PPP2R2B: variants seen among roughly 807,000 people sequenced by gnomAD.
PPP2R2B encodes the protein protein phosphatase 2 regulatory subunit Bbeta.
Under a neutral mutation model 46.0 loss-of-function variants are expected in PPP2R2B, and 5 were observed. The ratio of observed to expected loss-of-function variants is 0.11; its 90% confidence interval spans 0.06 to 0.23. The LOEUF (loss-of-function observed/expected upper bound fraction) is 0.23. Among genes scored for constraint, PPP2R2B ranks in the 10% least tolerant of loss-of-function variants. The pLI, the probability that PPP2R2B is intolerant of heterozygous loss-of-function variation, is 1.00. For missense variants in PPP2R2B, 367 were observed against 575.0 expected, an observed-to-expected ratio of 0.64 and a Z score of 3.70; for synonymous variants, 215 against 206.7, an observed-to-expected ratio of 1.04 and a Z score of -0.34.
In PPP2R2B at chr5:146,803,275, C is replaced by A. The variant is rs368304793; in HGVS notation, c.70+74727G>T. 8.5e-5 allele frequency among the ~76,000 whole-genome samples: 13 copies of A among 152,232 alleles called. No homozygotes were observed. The East Asian group carries it at 1.9e-3, about 23-fold the overall frequency. On this transcript the variant is annotated intron_variant, in intron 2 of 9. Transcript: ENST00000394411. The stretch of plus-strand genomic sequence containing the variant: ...TTGTATTTCTCAGTGCTGCCTGAAA[C>A]CCGACATTAGAACTATGTAAGCCCC...
intron 7 of PPP2R2B, among the ~76,000 whole-genome samples, chr5:146,619,930 A>G (rs865804799): frequency 6.6e-6 from 1 of 152,198 alleles, no homozygotes; most frequent in Non-Finnish European, 1.5e-5. Flanking sequence ...TTTAAATATT[A>G]TCTGTTCAGG....
intron 5 of PPP2R2B, among the ~76,000 whole-genome samples, chr5:146,686,728 A>G (rs372853359): frequency 1.1e-4 from 16 of 152,276 alleles, no homozygotes; most frequent in African/African-American, 3.6e-4. Flanking sequence ...TTCCCAGGGC[A>G]CTGGCAGCTG....
At chr5:147,005,768 A>G (rs559267853) in intron 1 of PPP2R2B, among the ~76,000 whole-genome samples, 17 of 152,126 alleles carry the variant, frequency 1.1e-4, no homozygotes, top group Non-Finnish European at 2.5e-4. Context: ...AGAGACAAAG[A>G]GGGAGTCAGA....
intron 1 of PPP2R2B, among the ~76,000 whole-genome samples, chr5:146,920,760 C>CTGTGTG (rs148436264): frequency 3.0e-4 from 46 of 151,786 alleles, no homozygotes; most frequent in African/African-American, 1.1e-3. Flanking sequence ...TCCTTTTATG[C>CTGTGTG]TGTGTGTGTG....
chr5:147,045,778 A>G (rs886853874), intron 1 of PPP2R2B, among the ~76,000 whole-genome samples: 2 of 152,122 alleles, frequency 1.3e-5, no homozygotes, highest in African/African-American at 4.8e-5. Flanking sequence ...ACTGTACCCC[A>G]TCTTGGTCTC....
chr5:146,944,937 A>G (rs1220605865), intron 1 of PPP2R2B, among the ~76,000 whole-genome samples: 1 of 152,144 alleles, frequency 6.6e-6, no homozygotes, highest in Admixed American at 6.6e-5. Context: ...CTGTTATTTA[A>G]CCAAAGATGC....
chr5:147,001,963 A>T (rs1204789609), intron 1 of PPP2R2B, among the ~76,000 whole-genome samples: 3 of 152,072 alleles, frequency 2.0e-5, no homozygotes, highest in Non-Finnish European at 4.4e-5. Flanking sequence ...AAGTTGGTTG[A>T]CCCTGCGGCC....
chr5:146,768,012 T>C (rs756624850), intron 2 of PPP2R2B, among the ~76,000 whole-genome samples: 52 of 152,176 alleles, frequency 3.4e-4, no homozygotes, highest in Admixed American at 2.3e-3. Context: ...AATATCTTAT[T>C]AGAGATTCAC....
In PPP2R2B at chr5:146,878,726, C is replaced by T. The variant is rs1257489691; in HGVS notation, c.-260G>A. 2 of 1,329,696 alleles carry T rather than the reference C, an allele frequency of 1.5e-6. No homozygotes were observed. The highest frequency in any genetic ancestry group is 2.0e-6 in the Non-Finnish European group (2 of 1,014,330). The allele number at this position is 1,329,696 out of a possible 1,614,324, so 82.4% of individuals were successfully genotyped here. A position where few individuals can be genotyped will look rare whatever the true frequency, so the allele number is the denominator to read the frequency against. On this transcript the variant is annotated 5_prime_UTR_variant, in exon 1 of 10. Transcript: ENST00000394411. The surrounding 1 kb of genome is among the most constrained non-coding windows in gnomAD (Gnocchi z 4.5). The stretch of plus-strand genomic sequence containing the variant: ...CCTCACACCCACACGCGCGCACTCG[C>T]AGCTGCTGCTGCTGCTGCTGCTGCT...
At chr5:146,689,081 G>A (rs1407521523) in intron 5 of PPP2R2B, among the ~76,000 whole-genome samples, 1 of 152,052 alleles carries the variant, frequency 6.6e-6, no homozygotes, top group African/African-American at 2.4e-5. Context: ...ATATATATAG[G>A]CCCACTATCA....
chr5:146,923,236 C>G (rs955608697), intron 1 of PPP2R2B, among the ~76,000 whole-genome samples: 5 of 152,146 alleles, frequency 3.3e-5, no homozygotes, highest in African/African-American at 1.2e-4. Flanking sequence ...CATATTTACT[C>G]TTCTTTTTCC....
At chr5:147,068,931 G>A (rs1362603624) in intron 2 of PPP2R2B, among the ~76,000 whole-genome samples, 6 of 152,058 alleles carry the variant, frequency 3.9e-5, no homozygotes, top group South Asian at 2.1e-4. Context: ...GCTTTAAATC[G>A]TAATCAGAAA....
At chr5:146,863,038 T>A (rs980257044) in intron 2 of PPP2R2B, among the ~76,000 whole-genome samples, 4 of 151,902 alleles carry the variant, frequency 2.6e-5, no homozygotes, top group African/African-American at 9.7e-5. Context: ...TTTTGCTTTT[T>A]TTTTTTTCCA....
In PPP2R2B at chr5:146,589,923, A is replaced by G. The variant is rs202070784; in HGVS notation, c.*24T>C. 12 of 1,603,334 alleles carry G rather than the reference A, an allele frequency of 7.5e-6. No homozygotes were observed. The highest frequency in any genetic ancestry group is 1.3e-5 in the African/African-American group (1 of 74,756). The stretch of plus-strand genomic sequence containing the variant: ...GTTTGACTAGTATTCAGTATGTGAG[A>G]TTATTAAGTAATAACTTGTCCACCT... On this transcript the variant is annotated 3_prime_UTR_variant, in exon 10 of 10. Transcript: ENST00000394411.
At chr5:146,950,396 G>C (rs1434184105) in intron 1 of PPP2R2B, among the ~76,000 whole-genome samples, 1 of 151,980 alleles carries the variant, frequency 6.6e-6, no homozygotes, top group Non-Finnish European at 1.5e-5. Context: ...ACAGAGCACA[G>C]AGCCTGACAG....
In PPP2R2B at chr5:146,916,689, T is replaced by C. The variant is rs140557082; in HGVS notation, c.79+138976A>G. 5.4e-3 allele frequency among the ~76,000 whole-genome samples: 821 copies of C among 152,268 alleles called. 5 individuals are homozygous for C. The highest frequency in any genetic ancestry group is 8.6e-3 in the Non-Finnish European group (584 of 68,016). ...ACAGTAGCTCCAGATTCTTGCTATG[T>C]AGTTGAGTGTTTAATGTTTAATCTG... On this transcript the variant is annotated intron_variant, in intron 1 of 8. Coordinates refer to the PPP2R2B transcript ENST00000336640.
At chr5:146,914,949 T>G (rs1763326609) in intron 1 of PPP2R2B, among the ~76,000 whole-genome samples, 1 of 152,202 alleles carries the variant, frequency 6.6e-6, no homozygotes, top group Non-Finnish European at 1.5e-5. Flanking sequence ...AAAAGGTCAT[T>G]TTCATAAAGA....
intron 1 of PPP2R2B, among the ~76,000 whole-genome samples, chr5:147,014,912 A>C (rs1307512353): frequency 6.6e-6 from 1 of 152,126 alleles, no homozygotes; most frequent in East Asian, 1.9e-4. Context: ...AAAATAAAAA[A>C]AAATGAATTT....
intron 5 of PPP2R2B, among the ~76,000 whole-genome samples, chr5:146,680,802 A>C (rs570652758): frequency 6.6e-6 from 1 of 152,344 alleles, no homozygotes; most frequent in South Asian, 2.1e-4. Context: ...TTCCACCCAA[A>C]CAAACACAAA....
Sources: gnomAD v4.1 joint callset for allele counts (sites outside exome capture counted in the v4.1 genomes callset) on GRCh38, gnomAD v4.1.1 for gene constraint, Gnocchi (gnomAD v3.1) non-coding constraint, MANE v1.5 for transcripts, NCBI Gene and HGNC (gene_info 2026-07-23, HGNC 2026-07-21) for gene names.